Variants in SHISA6 observed in about 807,000 individuals in gnomAD.
The protein encoded by SHISA6 is protein shisa-6.
In SHISA6, 22 loss-of-function variants were observed where a neutral mutation model predicts 47.9. The observed-to-expected ratio is 0.46, with a 90% CI of 0.33 to 0.66. The LOEUF (loss-of-function observed/expected upper bound fraction) is 0.66, where lower values mean the gene tolerates loss of function less well. Among genes scored for constraint, SHISA6 ranks in the 30% least tolerant of loss-of-function variants. SHISA6 has a pLI of 0.02. For missense variants in SHISA6, 680 were observed against 764.6 expected (o/e 0.89, Z 1.30); for synonymous variants, 388 against 337.8 (o/e 1.15, Z -1.63).
At chr17:11,526,044 A>C (rs1473914807) in intron 3 of SHISA6, among the ~76,000 whole-genome samples, 1 of 151,592 alleles carries the variant, frequency 6.6e-6, no homozygotes, top group South Asian at 2.1e-4. Flanking sequence ...CAATAAACTA[A>C]GGGTATCACT....
chr17:11,425,970 A>G (rs932221353), intron 3 of SHISA6, among the ~76,000 whole-genome samples: 13 of 152,216 alleles, frequency 8.5e-5, no homozygotes, highest in South Asian at 4.1e-4. Context: ...GCACTGATCA[A>G]CTTGAGCCTT....
chr17:11,302,632 G>A (rs566499144), intron 2 of SHISA6, among the ~76,000 whole-genome samples: 1 of 152,332 alleles, frequency 6.6e-6, no homozygotes, highest in African/African-American at 2.4e-5. Context: ...AATAGCCTGA[G>A]TGCATTGGTG....
At chr17:11,515,314 AAGG>A (rs1379691338) in intron 3 of SHISA6, among the ~76,000 whole-genome samples, 2 of 12,130 alleles carry the variant, frequency 1.6e-4, no homozygotes, top group Non-Finnish European at 3.1e-4. Context: ...AAGAAAGAAA[AAGG>A]AAGGAAGGAA....
chr17:11,282,034 A>C lies in SHISA6; in HGVS notation c.799+18508A>C, dbSNP rs560008057. On this transcript the variant is annotated intron_variant, in intron 2 of 5. Coordinates refer to ENST00000441885, the MANE Select transcript of SHISA6 (RefSeq NM_207386.4). ...TTCAATCTTTGCTTGGTCTCTTGGA[A>C]GAAAATCCAAAGGGATCTATGATAC... Among the ~76,000 whole-genome samples the C allele has an allele frequency of 2.0e-5, 3 of 152,350 alleles. No homozygotes were observed. The East Asian group carries it at 5.8e-4, about 29-fold the overall frequency.
chr17:11,498,549 G>A (rs1346954991), intron 3 of SHISA6, among the ~76,000 whole-genome samples: 1 of 152,208 alleles, frequency 6.6e-6, no homozygotes, highest in East Asian at 1.9e-4. Context: ...GGGGCTGAAT[G>A]TTTAAGGGGA....
At chr17:11,542,983 C>T (rs932439782) in intron 3 of SHISA6, among the ~76,000 whole-genome samples, 1 of 152,178 alleles carries the variant, frequency 6.6e-6, no homozygotes, top group Non-Finnish European at 1.5e-5. Context: ...TCTCCCAGAG[C>T]AGCTTGATTT....
In SHISA6 at chr17:11,526,880, CATATATATATATATATATATATATATAT is replaced by C. The variant is rs149856154; in HGVS notation, c.896-24987_896-24960del. On this transcript the variant is annotated intron_variant, in intron 3 of 5. Transcript: ENST00000441885. The stretch of plus-strand genomic sequence containing the variant: ...CTTGATGCCTCAAGCTATCTATCAT[CATATATATATATATATATATATATATAT>C]ATATATATATATATATATATATATA... Among the ~76,000 whole-genome samples the C allele has an allele frequency of 8.9e-4, 100 of 111,924 alleles. 2 individuals carry two copies. Among genetic ancestry groups the C allele is most frequent in the African/African-American group, 2.0e-3 (62 of 31,368 alleles). 73.4% of individuals were successfully genotyped at this position (111,924 alleles called of 152,430 possible). A position where few individuals can be genotyped will look rare whatever the true frequency, so the allele number is the denominator to read the frequency against.
chr17:11,262,120 C>G (rs185831410), intron 1 of SHISA6, among the ~76,000 whole-genome samples: 1 of 152,196 alleles, frequency 6.6e-6, no homozygotes, highest in South Asian at 2.1e-4. Context: ...AAGGATCCAA[C>G]TCCCTTCTTT....
intron 3 of SHISA6, among the ~76,000 whole-genome samples, chr17:11,408,005 A>G (rs1300948254): frequency 6.6e-6 from 1 of 152,216 alleles, no homozygotes; most frequent in Non-Finnish European, 1.5e-5. Context: ...CCCCGACACC[A>G]TCAAATGAAT....
At chr17:11,537,447 T>A (rs1297429981) in intron 3 of SHISA6, among the ~76,000 whole-genome samples, 1 of 151,854 alleles carries the variant, frequency 6.6e-6, no homozygotes. Flanking sequence ...AAGAGCTGTG[T>A]TGGAATGAAT....
At position 11,241,384 on chromosome 17, in the gene SHISA6, C is replaced by T. The variant is rs1362326028; in HGVS notation, c.-39C>T. 2 of 1,053,672 alleles carry T rather than the reference C, an allele frequency of 1.9e-6. No homozygotes were observed. The highest frequency in any genetic ancestry group is 3.5e-5 in the African/African-American group (2 of 57,692). The allele number at this position is 1,053,672 out of a possible 1,614,324, so 65.3% of individuals were successfully genotyped here. ...CCCGGCCCGCCGGGGGAGCGGCCTG[C>T]CGCGGAAGCCTCCCCGCGCCCTCCC... On this transcript the variant is annotated 5_prime_UTR_variant, in exon 1 of 6. Coordinates refer to ENST00000441885, the MANE Select transcript of SHISA6 (RefSeq NM_207386.4). The surrounding 1 kb of genome is among the most constrained non-coding windows in gnomAD (Gnocchi z 5.5).
intron 2 of SHISA6, among the ~76,000 whole-genome samples, chr17:11,283,378 T>C (rs1358767936): frequency 6.6e-6 from 1 of 152,224 alleles, no homozygotes; most frequent in Middle Eastern, 3.2e-3. Flanking sequence ...CACCAGTGGA[T>C]ATTAAAACCA....
intron 3 of SHISA6, among the ~76,000 whole-genome samples, chr17:11,535,001 A>G (rs530866293): frequency 1.1e-4 from 17 of 152,090 alleles, no homozygotes; most frequent in East Asian, 5.8e-4. Context: ...GGTGGCAGGC[A>G]CCTGTAACCC....
chr17:11,285,897 C>T (rs756134397), intron 2 of SHISA6, among the ~76,000 whole-genome samples: 6 of 149,620 alleles, frequency 4.0e-5, no homozygotes, highest in Non-Finnish European at 7.4e-5. Flanking sequence ...AGTGCAATGG[C>T]GCGATCTTGG....
intron 3 of SHISA6, among the ~76,000 whole-genome samples, chr17:11,445,921 G>T (rs1915218015): frequency 6.6e-6 from 1 of 152,180 alleles, no homozygotes; most frequent in South Asian, 2.1e-4. Flanking sequence ...TCTGCCTCCT[G>T]GGTTCAAGCG....
chr17:11,443,693 C>T (rs1332551539), intron 3 of SHISA6, among the ~76,000 whole-genome samples: 3 of 152,078 alleles, frequency 2.0e-5, no homozygotes, highest in African/African-American at 7.2e-5. Context: ...AGAGTAACCA[C>T]CCAATGAATA....
At chr17:11,349,272 A>C (rs1911794020) in intron 2 of SHISA6, among the ~76,000 whole-genome samples, 1 of 152,150 alleles carries the variant, frequency 6.6e-6, no homozygotes, top group Non-Finnish European at 1.5e-5. Flanking sequence ...TCATCCCCCA[A>C]AGGTATTATT....
rs369098184 is a variant in SHISA6, at chr17:11,549,815, A to G, written c.896-2081A>G. Among the ~76,000 whole-genome samples the G allele has an allele frequency of 3.3e-5, 5 of 152,330 alleles. No homozygotes were observed. The East Asian group carries it at 7.7e-4, about 23-fold the overall frequency. Reference sequence around the variant, plus strand: ...AAATAAACCAAACAACAACAACAACAAAACCTCATTGGAACTAGTTTTCTT... The same window carrying G: ...AAATAAACCAAACAACAACAACAACGAAACCTCATTGGAACTAGTTTTCTT... On this transcript the variant is annotated intron_variant, in intron 3 of 5. Coordinates refer to ENST00000441885, the MANE Select transcript of SHISA6 (RefSeq NM_207386.4).
At chr17:11,539,468 A>T (rs898946862) in intron 3 of SHISA6, among the ~76,000 whole-genome samples, 4 of 152,254 alleles carry the variant, frequency 2.6e-5, no homozygotes, top group African/African-American at 9.6e-5. Context: ...GCAAACATCA[A>T]TACATGCAAA....
Sources: allele counts gnomAD v4.1 joint callset (sites outside exome capture counted in the v4.1 genomes callset), GRCh38; gene constraint gnomAD v4.1.1; non-coding constraint Gnocchi (gnomAD v3.1); transcripts MANE v1.5; gene names NCBI Gene and HGNC (gene_info 2026-07-23, HGNC 2026-07-21).